TPRG1: variants seen among roughly 807,000 people sequenced by gnomAD.
TPRG1 encodes the protein tumor protein p63-regulated gene 1 protein.
Under a neutral mutation model 29.3 loss-of-function variants are expected in TPRG1, and 29 were observed. The observed-to-expected ratio is 0.99, with a 90% CI of 0.74 to 1.35. The LOEUF is 1.35. Among genes scored for constraint, TPRG1 ranks in the 40% most tolerant of loss-of-function variants. The pLI, the probability that TPRG1 is intolerant of heterozygous loss-of-function variation, is 0.00. For missense variants in TPRG1, 327 were observed against 335.0 expected, an observed-to-expected ratio of 0.98 and a Z score of 0.19; for synonymous variants, 130 against 116.8, an observed-to-expected ratio of 1.11 and a Z score of -0.73.
chr3:189,178,592 A>G (rs575168610), intron 1 of TPRG1, among the ~76,000 whole-genome samples: 7 of 152,320 alleles, frequency 4.6e-5, no homozygotes, highest in African/African-American at 1.7e-4. Flanking sequence ...ATTTTATTTT[A>G]TCTTTCTACA....
chr3:189,019,360 C>T (rs998523343), intron 3 of TPRG1, among the ~76,000 whole-genome samples: 1 of 152,138 alleles, frequency 6.6e-6, no homozygotes, highest in African/African-American at 2.4e-5. Context: ...GTGATATTGG[C>T]CGTGGGTTTG....
intron 4 of TPRG1, among the ~76,000 whole-genome samples, chr3:189,028,994 A>T (rs1057359068): frequency 4.0e-5 from 6 of 151,760 alleles, no homozygotes; most frequent in Non-Finnish European, 7.4e-5. Flanking sequence ...TCTATTTCCT[A>T]TTGAAGATGG....
Position 189,324,802 on chromosome 3 carries a change from A to G in TPRG1, c.*3982A>G, listed in dbSNP as rs1480752561. ...TGCCTGTGGTTTTCAAAGGTTAACAACAACATAAAAAAGCCAAGGTATTTG... is the reference window on the plus strand; with the variant it reads ...TGCCTGTGGTTTTCAAAGGTTAACAGCAACATAAAAAAGCCAAGGTATTTG... On this transcript the variant is annotated 3_prime_UTR_variant, in exon 6 of 6. Transcript: ENST00000345063. The G allele has an allele frequency of 6.6e-6, 1 of 152,204 alleles. No homozygotes were observed. Among genetic ancestry groups the G allele is most frequent in the Non-Finnish European group, 1.5e-5 (1 of 68,046 alleles). The allele number at this position is 152,204 out of a possible 1,614,324, so 9.4% of individuals were successfully genotyped here.
intron 3 of TPRG1, chr3:189,219,909 C>T (rs1469708879): frequency 1.7e-5 from 5 of 294,438 alleles, no homozygotes; most frequent in African/African-American, 6.8e-5. Flanking sequence ...CCCAGGGCTT[C>T]GGTGTAATTA....
chr3:189,244,978 C>T (rs574030358), intron 4 of TPRG1, among the ~76,000 whole-genome samples: 2 of 152,216 alleles, frequency 1.3e-5, no homozygotes, highest in East Asian at 3.9e-4. Context: ...TGGAGTGCAA[C>T]GGTATGATCT....
intron 3 of TPRG1, among the ~76,000 whole-genome samples, chr3:189,146,663 C>A (rs1725306742): frequency 6.6e-6 from 1 of 152,138 alleles, no homozygotes; most frequent in Non-Finnish European, 1.5e-5. Flanking sequence ...GGGCAGAGAC[C>A]ATGTTTTATA....
At chr3:189,272,234 A>C (rs1394619013) in intron 4 of TPRG1, among the ~76,000 whole-genome samples, 1 of 152,142 alleles carries the variant, frequency 6.6e-6, no homozygotes, top group Non-Finnish European at 1.5e-5. Flanking sequence ...ATCTGCTTTG[A>C]CTTGTATTCC....
At chr3:189,088,992 C>G (rs553509921) in intron 4 of TPRG1, among the ~76,000 whole-genome samples, 41 of 151,946 alleles carry the variant, frequency 2.7e-4, no homozygotes, top group Non-Finnish European at 4.4e-4. Context: ...ATCTATCTAT[C>G]TATCTATCTA....
At chr3:189,154,289 T>C (rs1017486003) in intron 5 of TPRG1, among the ~76,000 whole-genome samples, 3 of 152,188 alleles carry the variant, frequency 2.0e-5, no homozygotes, top group East Asian at 1.9e-4. Flanking sequence ...AAACTGAGGC[T>C]CAGAGAAGTA....
intron 4 of TPRG1, among the ~76,000 whole-genome samples, chr3:189,286,195 T>C (rs1718032806): frequency 6.6e-6 from 1 of 151,306 alleles, no homozygotes; most frequent in Non-Finnish European, 1.5e-5. Flanking sequence ...TCACTCCCTC[T>C]TTTTTTTTAG....
At chr3:189,050,587 C>G (rs1269950260) in intron 4 of TPRG1, among the ~76,000 whole-genome samples, 1 of 152,142 alleles carries the variant, frequency 6.6e-6, no homozygotes, top group African/African-American at 2.4e-5. Flanking sequence ...TTCTATGAAG[C>G]CAGCCTCACC....
At chr3:189,174,579 C>G (rs934445171) in intron 1 of TPRG1, among the ~76,000 whole-genome samples, 2 of 152,114 alleles carry the variant, frequency 1.3e-5, no homozygotes, top group Admixed American at 6.5e-5. Context: ...AATGACAGAC[C>G]AGGCTACAGG....
At chr3:189,263,274 G>A (rs1713458095) in intron 4 of TPRG1, among the ~76,000 whole-genome samples, 1 of 152,196 alleles carries the variant, frequency 6.6e-6, no homozygotes. Flanking sequence ...AGAAATTTTG[G>A]TATTGTGATC....
At chr3:189,289,176 C>G (rs1268461073) in intron 4 of TPRG1, among the ~76,000 whole-genome samples, 1 of 152,168 alleles carries the variant, frequency 6.6e-6, no homozygotes, top group Non-Finnish European at 1.5e-5. Flanking sequence ...TCATCTTTCC[C>G]CTATATCTTG....
intron 1 of TPRG1, among the ~76,000 whole-genome samples, chr3:189,191,267 A>G (rs1731652092): frequency 6.6e-6 from 1 of 152,254 alleles, no homozygotes; most frequent in Non-Finnish European, 1.5e-5. Flanking sequence ...TCAGCAAGAC[A>G]ATATGAAAGT....
chr3:189,104,940 A>G (rs1719639162), intron 1 of TPRG1, among the ~76,000 whole-genome samples: 2 of 152,224 alleles, frequency 1.3e-5, no homozygotes. Context: ...TTTTTCCAAG[A>G]CCTGATACAG....
chr3:189,073,189 A>G (rs573370677), intron 4 of TPRG1, among the ~76,000 whole-genome samples: 2 of 152,322 alleles, frequency 1.3e-5, no homozygotes, highest in South Asian at 2.1e-4. Flanking sequence ...ATAGATACCT[A>G]TATGGAATCA....
intron 4 of TPRG1, among the ~76,000 whole-genome samples, chr3:189,058,668 G>T (rs1453135389): frequency 6.6e-6 from 1 of 152,152 alleles, no homozygotes; most frequent in East Asian, 1.9e-4. Flanking sequence ...GTTAATGCTG[G>T]TTTCTTAAAG....
At chr3:189,037,402 A>C (rs1714340695) in intron 4 of TPRG1, among the ~76,000 whole-genome samples, 1 of 151,952 alleles carries the variant, frequency 6.6e-6, no homozygotes, top group African/African-American at 2.4e-5. Context: ...GTTTAGCTCA[A>C]TATAAGTAGA....
Sources: allele counts gnomAD v4.1 joint callset (sites outside exome capture counted in the v4.1 genomes callset), GRCh38; gene constraint gnomAD v4.1.1; transcripts MANE v1.5; gene names NCBI Gene and HGNC (gene_info 2026-07-23, HGNC 2026-07-21).